The following SLC5A4 variants were observed in gnomAD, a reference collection of about 807,000 sequenced individuals.
SLC5A4 encodes probable glucose sensor protein SLC5A4.
SLC5A4 carries 55 observed loss-of-function variants against 70.3 expected under a neutral mutation model. The ratio of observed to expected loss-of-function variants is 0.78; its 90% CI spans 0.63 to 0.98. The LOEUF is 0.98. Among genes scored for constraint, SLC5A4 ranks in the 50% least tolerant of loss-of-function variants. SLC5A4 has a pLI of 0.00. For missense variants in SLC5A4, 735 were observed against 839.2 expected, an observed-to-expected ratio of 0.88 and a Z score of 1.53; for synonymous variants, 268 against 305.7, an observed-to-expected ratio of 0.88 and a Z score of 1.29.
At chr22:32,330,740 C>CTGGT in the SLC5A4 span, among the ~76,000 whole-genome samples, 2 of 23,840 alleles carry the variant, frequency 8.4e-5, no homozygotes. Context: ...GTTGGGGGCT[C>CTGGT]GTGTGTGTGT....
At chr22:32,322,437 T>A in the SLC5A4 span, among the ~76,000 whole-genome samples, 1 of 151,748 alleles carries the variant, frequency 6.6e-6, no homozygotes, top group Non-Finnish European at 1.5e-5. Context: ...ATACAAAAAT[T>A]AGCCAGAGGC....
the SLC5A4 span, among the ~76,000 whole-genome samples, chr22:32,320,213 C>CA: frequency 6.6e-6 from 1 of 152,190 alleles, no homozygotes; most frequent in Non-Finnish European, 1.5e-5. Flanking sequence ...TGACACTGAT[C>CA]AAAAGGGCTG....
chr22:32,260,122 A>G (rs1331758106), upstream of SLC5A4, among the ~76,000 whole-genome samples: 1 of 152,112 alleles, frequency 6.6e-6, no homozygotes, highest in South Asian at 2.1e-4. Context: ...AGGGTGGGAG[A>G]GGGGTCCCCC....
the SLC5A4 span, among the ~76,000 whole-genome samples, chr22:32,305,206 T>C: frequency 3.8e-4 from 57 of 149,468 alleles, no homozygotes; most frequent in African/African-American, 1.3e-3. Flanking sequence ...TTAAAAATTT[T>C]CCTGTATCTT....
chr22:32,285,406 A>G, the SLC5A4 span, among the ~76,000 whole-genome samples: 2 of 152,182 alleles, frequency 1.3e-5, no homozygotes, highest in Non-Finnish European at 2.9e-5. Context: ...GCTGCCAACA[A>G]TAGATTTATA....
chr22:32,326,678 A>T, the SLC5A4 span, among the ~76,000 whole-genome samples: 2 of 152,204 alleles, frequency 1.3e-5, no homozygotes, highest in Non-Finnish European at 2.9e-5. Flanking sequence ...TCGGGGCAAG[A>T]TGGCCATCCC....
At chr22:32,326,269 T>C in the SLC5A4 span, among the ~76,000 whole-genome samples, 2 of 134,836 alleles carry the variant, frequency 1.5e-5, no homozygotes, top group African/African-American at 6.0e-5. Flanking sequence ...AGCCTTCACG[T>C]ATTTTTTTTT....
the SLC5A4 span, among the ~76,000 whole-genome samples, chr22:32,279,255 G>A: frequency 6.6e-6 from 1 of 152,206 alleles, no homozygotes; most frequent in Non-Finnish European, 1.5e-5. Context: ...CAGCCTGGGC[G>A]ACAGAGTGAG....
the SLC5A4 span, among the ~76,000 whole-genome samples, chr22:32,314,216 T>C: frequency 6.6e-6 from 1 of 152,190 alleles, no homozygotes; most frequent in Non-Finnish European, 1.5e-5. Context: ...AGCCAGGTAC[T>C]CTCCATCACC....
Position 32,255,275 on chromosome 22 carries a change from A to G in SLC5A4, c.55T>C (p.Leu19=), listed in dbSNP as rs12169024. Residue 19 remains leucine, a synonymous_variant, in exon 1 of 15, where the codon TTG becomes CTG. Transcript: ENST00000266086. ...TIAETPEPPP[L]SDHIRNAADI... ...GCAGCATTTCGGATGTGGTCAGACAATGGAGGTGGCTCTGGGGTCTCAGCT... is the reference window on the plus strand; with the variant it reads ...GCAGCATTTCGGATGTGGTCAGACAGTGGAGGTGGCTCTGGGGTCTCAGCT... The G allele has an allele frequency of 0.06, 97,074 of 1,613,934 alleles. 3,225 individuals carry two copies. Among genetic ancestry groups the G allele is most frequent in the South Asian group, 0.095 (8,657 of 91,064 alleles).
chr22:32,308,712 T>G, the SLC5A4 span, among the ~76,000 whole-genome samples: 1 of 150,548 alleles, frequency 6.6e-6, no homozygotes, highest in African/African-American at 2.4e-5. Context: ...TACTTGCTGC[T>G]TTCTAGAGCA....
the SLC5A4 span, among the ~76,000 whole-genome samples, chr22:32,308,725 G>A: frequency 1.3e-5 from 2 of 152,070 alleles, no homozygotes; most frequent in South Asian, 4.2e-4. Flanking sequence ...CTAGAGCATT[G>A]GAGACAGCAA....
the SLC5A4 span, among the ~76,000 whole-genome samples, chr22:32,332,636 A>T: frequency 6.6e-6 from 1 of 152,030 alleles, no homozygotes; most frequent in Non-Finnish European, 1.5e-5. Context: ...GTCAACAGGG[A>T]GCTGTGTCAG....
At chr22:32,351,755 G>GGGGGGGGA in the SLC5A4 span, among the ~76,000 whole-genome samples, 2 of 78,110 alleles carry the variant, frequency 2.6e-5, no homozygotes, top group African/African-American at 6.4e-5. Context: ...GGGCGGGGGG[G>GGGGGGGGA]GGGTGGGCGG....
chr22:32,242,446 ATG>A (rs1250806700), intron 5 of SLC5A4, among the ~76,000 whole-genome samples: 1 of 152,218 alleles, frequency 6.6e-6, no homozygotes, highest in Non-Finnish European at 1.5e-5. Flanking sequence ...GTGGTGGCTC[ATG>A]CCTGTAATCC....
chr22:32,350,945 G>T, the SLC5A4 span, among the ~76,000 whole-genome samples: 3,934 of 151,804 alleles, frequency 0.026, 182 homozygotes, highest in African/African-American at 0.091. Context: ...AGTAACATTA[G>T]GAATAAAAGA....
the SLC5A4 span, among the ~76,000 whole-genome samples, chr22:32,293,101 T>C: frequency 1.2e-4 from 19 of 152,160 alleles, no homozygotes; most frequent in African/African-American, 4.6e-4. Flanking sequence ...TTTCTGTTTA[T>C]TGTTTGAGTT....
chr22:32,302,638 T>C, the SLC5A4 span, among the ~76,000 whole-genome samples: 2 of 152,180 alleles, frequency 1.3e-5, no homozygotes, highest in African/African-American at 4.8e-5. Flanking sequence ...GGCAAATATG[T>C]GTGGGTCTAT....
At chr22:32,353,273 C>G in the SLC5A4 span, among the ~76,000 whole-genome samples, 3 of 152,122 alleles carry the variant, frequency 2.0e-5, no homozygotes, top group Non-Finnish European at 4.4e-5. Flanking sequence ...AAAAACTGAA[C>G]CCCAGCCAGC....
Sources: allele counts gnomAD v4.1 joint callset (sites outside exome capture counted in the v4.1 genomes callset), GRCh38; gene constraint gnomAD v4.1.1; transcripts MANE v1.5; gene names NCBI Gene and HGNC (gene_info 2026-07-23, HGNC 2026-07-21).